NAALADL2: variants seen among roughly 807,000 people sequenced by gnomAD.
The protein encoded by NAALADL2 is N-acetylated alpha-linked acidic dipeptidase like 2.
Under a neutral mutation model 87.2 loss-of-function variants are expected in NAALADL2, and 76 were observed. That is an observed-to-expected ratio of 0.87 (90% CI 0.72 to 1.05). The LOEUF (loss-of-function observed/expected upper bound fraction) is 1.05. Among genes scored for constraint, NAALADL2 ranks in the 50% least tolerant of loss-of-function variants. The pLI is 0.00. For missense variants in NAALADL2, 1,089 were observed against 945.8 expected (o/e 1.15, Z -1.99); for synonymous variants, 354 against 331.0 (o/e 1.07, Z -0.75).
chr3:175,637,475 G>A (rs1214425436), intron 11 of NAALADL2, among the ~76,000 whole-genome samples: 6 of 152,206 alleles, frequency 3.9e-5, no homozygotes, highest in Non-Finnish European at 8.8e-5. Flanking sequence ...CATGAGAGGT[G>A]TTTGGATCAT....
At chr3:174,495,686 A>ATCTTTTAGAAAATCAAGGATTGGGGAT (rs150444822) in intron 1 of NAALADL2, among the ~76,000 whole-genome samples, 1 of 151,168 alleles carries the variant, frequency 6.6e-6, no homozygotes. Context: ...GGGATACTGA[A>ATCTTTTAGAAAATCAAGGATTGGGGAT]TCCAGCTGTA....
rs539298936 is a variant in NAALADL2, at chr3:175,665,508, T to C, written c.1896+38122T>C. ...GTTGCAAATATAAATCTCTGTATTG[T>C]TTCTGCATTACCATCCATTTTCATA... On this transcript the variant is annotated intron_variant, in intron 11 of 13. Transcript: ENST00000454872. 2.0e-5 allele frequency among the ~76,000 whole-genome samples: 3 copies of C among 152,306 alleles called. No homozygotes were observed. In the South Asian group the frequency reaches 6.2e-4, roughly 32 times the overall value.
rs371537562 is a variant in NAALADL2 at position 175,096,881 on chromosome 3, C to T, written c.135C>T (p.Ala45=). The change falls in exon 2 of 14, where the codon GCC becomes GCT. Residue 45 remains alanine, a synonymous_variant. Coordinates refer to ENST00000454872, the MANE Select transcript of NAALADL2 (RefSeq NM_207015.3). ...ACAATGATGACCTTCAAGCCACTGC[C>T]CTTGACTTAGAGTGGGACATGGAGA... The part of the protein sequence containing the change: ...YLDNDDLQAT[A]LDLEWDMEKE... 2.0e-5 allele frequency: 33 copies of T among 1,613,026 alleles called. No individual in the cohort carries two copies. The highest frequency in any genetic ancestry group is 1.7e-4 in the African/African-American group (13 of 74,852).
chr3:175,691,378 A>G (rs889291583), intron 11 of NAALADL2, among the ~76,000 whole-genome samples: 2 of 151,292 alleles, frequency 1.3e-5, no homozygotes, highest in Admixed American at 1.3e-4. Context: ...ATAATTTCGG[A>G]TTCACTGTTT....
intron 2 of NAALADL2, among the ~76,000 whole-genome samples, chr3:174,667,605 T>C (rs1327253530): frequency 1.4e-5 from 2 of 146,050 alleles, no homozygotes; most frequent in African/African-American, 2.5e-5. Flanking sequence ...CAAGGCAGTC[T>C]CCTGGTGAGT....
intron 3 of NAALADL2, among the ~76,000 whole-genome samples, chr3:174,808,475 T>C (rs1448113641): frequency 6.6e-6 from 1 of 152,106 alleles, no homozygotes; most frequent in Admixed American, 6.5e-5. Flanking sequence ...TTTATGAAAA[T>C]ATGTGAACTA....
intron 13 of NAALADL2, among the ~76,000 whole-genome samples, chr3:175,774,323 T>A (rs888276087): frequency 6.6e-6 from 1 of 152,056 alleles, no homozygotes; most frequent in African/African-American, 2.4e-5. Context: ...GCAGGCAGCA[T>A]ACAGCCAAAA....
At chr3:175,513,703 AG>A (rs1422366873) in intron 9 of NAALADL2, among the ~76,000 whole-genome samples, 1 of 152,242 alleles carries the variant, frequency 6.6e-6, no homozygotes, top group East Asian at 1.9e-4. Flanking sequence ...GGGCAGTCTA[AG>A]GGATGCCAAT....
chr3:174,533,033 GACTA>G (rs1432845773), intron 1 of NAALADL2, among the ~76,000 whole-genome samples: 1 of 151,004 alleles, frequency 6.6e-6, no homozygotes, highest in African/African-American at 2.4e-5. Flanking sequence ...TTGGAAAGAG[GACTA>G]ACTTTCTAGC....
intron 1 of NAALADL2, among the ~76,000 whole-genome samples, chr3:174,445,632 A>G (rs141828526): frequency 6.6e-6 from 1 of 152,314 alleles, no homozygotes; most frequent in East Asian, 1.9e-4. Context: ...CCTCACACAT[A>G]TATAACTATT....
At chr3:175,261,425 G>A (rs573509647) in intron 4 of NAALADL2, among the ~76,000 whole-genome samples, 1 of 152,176 alleles carries the variant, frequency 6.6e-6, no homozygotes, top group East Asian at 1.9e-4. Context: ...TGGAGGTTGG[G>A]CTGTTGTCTA....
In NAALADL2 at chr3:174,588,847, C is replaced by A. The variant is rs550089689; in HGVS notation, c.-115+38210C>A. Among the ~76,000 whole-genome samples, 3 of 152,306 alleles carry A rather than the reference C, an allele frequency of 2.0e-5. No homozygotes were observed. In the South Asian group the frequency reaches 6.2e-4, roughly 32 times the overall value. On this transcript the variant is annotated intron_variant, in intron 2 of 3. Coordinates refer to the NAALADL2 transcript ENST00000434257. ...TCAGGGACCCACTTGAGGAGGCAGT[C>A]TGTCTGTTCTCAGATCTCAAACTCC...
At chr3:175,535,026 C>A (rs748938701) in intron 9 of NAALADL2, among the ~76,000 whole-genome samples, 16 of 152,130 alleles carry the variant, frequency 1.1e-4, no homozygotes. Context: ...TTGGCTTCAA[C>A]CTGCTTCCCT....
intron 9 of NAALADL2, among the ~76,000 whole-genome samples, chr3:175,483,075 A>G (rs1161624309): frequency 6.6e-6 from 1 of 151,948 alleles, no homozygotes; most frequent in East Asian, 1.9e-4. Context: ...CTTGAGAAAT[A>G]AACCTACCTA....
intron 9 of NAALADL2, among the ~76,000 whole-genome samples, chr3:175,555,345 TA>T (rs1715087816): frequency 1.3e-5 from 2 of 152,344 alleles, no homozygotes; most frequent in East Asian, 3.9e-4. Flanking sequence ...GTCTTTCAAA[TA>T]GCAGTGAGTA....
intron 2 of NAALADL2, among the ~76,000 whole-genome samples, chr3:175,223,692 C>T (rs1398529933): frequency 1.3e-5 from 2 of 152,132 alleles, no homozygotes; most frequent in Non-Finnish European, 2.9e-5. Context: ...TAGAACTGTA[C>T]ATTAAAATAT....
At chr3:175,321,688 C>A (rs1759890807) in intron 4 of NAALADL2, among the ~76,000 whole-genome samples, 3 of 120,752 alleles carry the variant, frequency 2.5e-5, no homozygotes, top group African/African-American at 3.6e-5. Flanking sequence ...TCTTATACAC[C>A]AATAACAGAC....
chr3:175,175,972 A>T (rs1245210206), intron 2 of NAALADL2, among the ~76,000 whole-genome samples: 1 of 152,096 alleles, frequency 6.6e-6, no homozygotes, highest in Non-Finnish European at 1.5e-5. Context: ...TAGAAAATAT[A>T]CATTATGATA....
At chr3:175,613,258 T>C (rs1724886912) in intron 10 of NAALADL2, among the ~76,000 whole-genome samples, 1 of 152,176 alleles carries the variant, frequency 6.6e-6, no homozygotes, top group Non-Finnish European at 1.5e-5. Context: ...TACTAAACAG[T>C]CCAAACTCCA....
Sources: allele counts gnomAD v4.1 joint callset (sites outside exome capture counted in the v4.1 genomes callset), GRCh38; gene constraint gnomAD v4.1.1; transcripts MANE v1.5; gene names NCBI Gene and HGNC (gene_info 2026-07-23, HGNC 2026-07-21).